The following KCNIP4 variants were observed in gnomAD, a reference collection of about 807,000 sequenced individuals.
KCNIP4 encodes Kv channel-interacting protein 4.
In KCNIP4, 12 loss-of-function variants were observed where a neutral mutation model predicts 34.0. The ratio of observed to expected loss-of-function variants is 0.35; its 90% confidence interval spans 0.23 to 0.57. KCNIP4 has a LOEUF of 0.57. Ranked by LOEUF, KCNIP4 falls within the 20% of genes least tolerant of loss-of-function variation. The pLI is 0.83. For synonymous variants in KCNIP4, 124 were observed against 102.2 expected (o/e 1.21, Z -1.29); for missense variants, 238 against 311.7 (o/e 0.76, Z 1.78).
intron 1 of KCNIP4, among the ~76,000 whole-genome samples, chr4:20,950,006 A>G (rs1732608176): frequency 6.6e-6 from 1 of 151,572 alleles, no homozygotes; most frequent in Admixed American, 6.6e-5. Flanking sequence ...CTTAAAGTAT[A>G]ATAATAAATA....
intron 1 of KCNIP4, among the ~76,000 whole-genome samples, chr4:21,672,474 T>A (rs1277482804): frequency 6.6e-6 from 1 of 152,218 alleles, no homozygotes; most frequent in Non-Finnish European, 1.5e-5. Context: ...ACAGGCTGGA[T>A]CTGATATAAT....
At chr4:21,052,593 T>C (rs1363136183) in intron 1 of KCNIP4, among the ~76,000 whole-genome samples, 1 of 152,186 alleles carries the variant, frequency 6.6e-6, no homozygotes, top group Admixed American at 6.5e-5. Context: ...AAGGTAATGG[T>C]CATCCAAAAA....
intron 1 of KCNIP4, among the ~76,000 whole-genome samples, chr4:21,935,962 T>TTATATA (rs55704216): frequency 0.072 from 10,576 of 147,898 alleles, 650 homozygotes; most frequent in East Asian, 0.17. Context: ...GAAATGAAGA[T>TTATATA]TATATATATA....
At chr4:21,394,574 G>C (rs1345476722) in intron 1 of KCNIP4, among the ~76,000 whole-genome samples, 1 of 152,238 alleles carries the variant, frequency 6.6e-6, no homozygotes, top group East Asian at 1.9e-4. Context: ...TAGGGCTCCT[G>C]TGTTCCCCAT....
intron 1 of KCNIP4, among the ~76,000 whole-genome samples, chr4:21,596,759 C>G (rs1471463418): frequency 1.3e-5 from 2 of 152,002 alleles, no homozygotes; most frequent in African/African-American, 4.8e-5. Context: ...TGCGTCTTCC[C>G]CCTCAGTAAA....
chr4:21,546,909 A>G (rs1241269277), intron 1 of KCNIP4, among the ~76,000 whole-genome samples: 1 of 152,180 alleles, frequency 6.6e-6, no homozygotes, highest in Non-Finnish European at 1.5e-5. Context: ...CAGAAGAAAG[A>G]GAAAATTTAT....
chr4:21,520,160 G>A (rs1370975885), intron 1 of KCNIP4, among the ~76,000 whole-genome samples: 1 of 151,970 alleles, frequency 6.6e-6, no homozygotes, highest in Admixed American at 6.6e-5. Context: ...GATTAAGACT[G>A]GGTTTGCCTT....
chr4:21,361,684 TC>T lies in KCNIP4; in HGVS notation c.62-478976del, dbSNP rs1560328332. Among the ~76,000 whole-genome samples the T allele has an allele frequency of 3.3e-5, 5 of 149,360 alleles. No individual in the cohort carries two copies. The South Asian group carries it at 1.1e-3, about 32-fold the overall frequency. On this transcript the variant is annotated intron_variant, in intron 1 of 8. Transcript: ENST00000382152. ...AAAGTCTCTCAGATTGTTTTTTTTT[TC>T]ATTCTCCTTTTTTTTTCCCATAGCA...
intron 1 of KCNIP4, among the ~76,000 whole-genome samples, chr4:21,323,307 A>G (rs932282996): frequency 1.3e-5 from 2 of 151,930 alleles, no homozygotes; most frequent in African/African-American, 4.8e-5. Flanking sequence ...AAATGTACAA[A>G]TTAGTGTTGA....
At chr4:21,049,551 C>T (rs1393886760) in intron 1 of KCNIP4, among the ~76,000 whole-genome samples, 1 of 152,182 alleles carries the variant, frequency 6.6e-6, no homozygotes, top group African/African-American at 2.4e-5. Context: ...TATCAATGTA[C>T]AAGTGTTTCT....
At chr4:20,758,290 G>A (rs931127359) in intron 4 of KCNIP4, among the ~76,000 whole-genome samples, 1 of 152,104 alleles carries the variant, frequency 6.6e-6, no homozygotes, top group Non-Finnish European at 1.5e-5. Context: ...AGATGAGGGA[G>A]CACAGTAAAG....
At chr4:21,534,673 A>G (rs1359617483) in intron 1 of KCNIP4, among the ~76,000 whole-genome samples, 1 of 152,120 alleles carries the variant, frequency 6.6e-6, no homozygotes, top group Non-Finnish European at 1.5e-5. Flanking sequence ...TTCATGAAGT[A>G]CTGTGTTCAT....
At chr4:20,903,400 T>C (rs1370953028) in intron 1 of KCNIP4, among the ~76,000 whole-genome samples, 2 of 152,144 alleles carry the variant, frequency 1.3e-5, no homozygotes, top group African/African-American at 4.8e-5. Context: ...GTAAGAAATA[T>C]GTTGGTTTGG....
At chr4:21,275,166 T>C (rs1425345) in intron 1 of KCNIP4, among the ~76,000 whole-genome samples, 40,043 of 152,050 alleles carry the variant, frequency 0.26, 5,414 homozygotes, top group South Asian at 0.36. Context: ...CAGCCTTTTA[T>C]CTTTAGAGAT....
intron 1 of KCNIP4, among the ~76,000 whole-genome samples, chr4:21,047,321 C>T (rs912059277): frequency 3.3e-5 from 5 of 152,056 alleles, no homozygotes; most frequent in Admixed American, 2.6e-4. Flanking sequence ...CAGTGCTTAC[C>T]ATATAATGAT....
chr4:21,040,022 G>A (rs1741814706), intron 1 of KCNIP4, among the ~76,000 whole-genome samples: 1 of 152,152 alleles, frequency 6.6e-6, no homozygotes, highest in Non-Finnish European at 1.5e-5. Flanking sequence ...GTGAGAGAGT[G>A]CGTGTGTGAA....
At chr4:21,510,145 A>G (rs1057020881) in intron 1 of KCNIP4, among the ~76,000 whole-genome samples, 3 of 151,082 alleles carry the variant, frequency 2.0e-5, no homozygotes, top group South Asian at 2.1e-4. Flanking sequence ...GCATTAAACT[A>G]TTTGATTTTA....
chr4:21,762,883 G>C (rs895770317), intron 1 of KCNIP4: 3 of 1,238,394 alleles, frequency 2.4e-6, no homozygotes, highest in Non-Finnish European at 3.2e-6. Flanking sequence ...AGATTGGGAG[G>C]GGGGTGTAGG....
chr4:21,614,738 C>T (rs1042617945), intron 1 of KCNIP4, among the ~76,000 whole-genome samples: 1 of 151,634 alleles, frequency 6.6e-6, no homozygotes, highest in African/African-American at 2.4e-5. Context: ...TATATATCAT[C>T]TAAATCTCTT....
Sources: gnomAD v4.1 joint callset for allele counts (sites outside exome capture counted in the v4.1 genomes callset) on GRCh38, gnomAD v4.1.1 for gene constraint, MANE v1.5 for transcripts, NCBI Gene and HGNC (gene_info 2026-07-23, HGNC 2026-07-21) for gene names.